The following DST variants were observed in gnomAD, a reference collection of about 807,000 sequenced individuals.
The protein encoded by DST is dystonin.
In DST, 253 loss-of-function variants were observed where a neutral mutation model predicts 875.2. The ratio of observed to expected loss-of-function variants is 0.29; its 90% CI spans 0.26 to 0.32. The LOEUF is 0.32. Among genes scored for constraint, DST ranks in the 10% least tolerant of loss-of-function variants. The probability of loss-of-function intolerance (pLI) is 1.00; values close to 1 mark genes in which losing one functional copy is unlikely to be tolerated. For missense variants in DST, 8,287 were observed against 9,111.6 expected (o/e 0.91, Z 3.68); for synonymous variants, 3,124 against 3,197.1 (o/e 0.98, Z 0.77).
intron 72 of DST, among the ~76,000 whole-genome samples, chr6:56,512,873 A>T (rs952725191): frequency 6.6e-6 from 1 of 152,234 alleles, no homozygotes; most frequent in South Asian, 2.1e-4. Flanking sequence ...CATGCTGCAC[A>T]TAAGAATGTG....
rs776817710 is a variant in DST, at chr6:56,605,370, C to T, written c.9258G>A (p.Lys3086=). 6.2e-7 allele frequency: 1 copy of T among 1,612,136 alleles called. No individual in the cohort carries two copies. The highest frequency in any genetic ancestry group is 2.2e-5 in the East Asian group (1 of 44,780). The part of the protein sequence containing the change: ...LPGKNTRDSF[K]LINSQFPFPQ... ...GAAATGGAAACTGACTATTAATTAA[C>T]TTGAAACTATCCCTTGTATTTTTAC... Residue 3086 remains lysine (K), a synonymous_variant, in exon 40 of 104, where the codon AAG becomes AAA. Transcript: ENST00000680361.
At chr6:56,786,266 G>A (rs1200981002) in intron 4 of DST, among the ~76,000 whole-genome samples, 1 of 152,172 alleles carries the variant, frequency 6.6e-6, no homozygotes, top group East Asian at 1.9e-4. Flanking sequence ...ATTGCTTTCA[G>A]GTTCACCCAT....
chr6:56,482,678 T>C lies in DST; in HGVS notation c.21402+5A>G, dbSNP rs1195333097. The C allele has an allele frequency of 6.2e-7, 1 of 1,611,342 alleles. No homozygotes were observed. The highest frequency in any genetic ancestry group is 1.1e-5 in the South Asian group (1 of 90,652). On this transcript the variant is annotated splice_donor_5th_base_variant and intron_variant, in intron 89 of 103. Coordinates refer to ENST00000680361, the MANE Select transcript of DST (RefSeq NM_001374736.1). ...ACACCCAGCTCTCATTTACATGGTTTTTACCTGACGCAGGGCTGCTTCTAA... is the reference window on the plus strand; with the variant it reads ...ACACCCAGCTCTCATTTACATGGTTCTTACCTGACGCAGGGCTGCTTCTAA...
chr6:56,737,584 T>C (rs573761076), intron 4 of DST, among the ~76,000 whole-genome samples: 2 of 152,312 alleles, frequency 1.3e-5, no homozygotes, highest in South Asian at 2.1e-4. Flanking sequence ...AAATAGAACA[T>C]TCTAATCATC....
chr6:56,623,455 C>CCTT (rs145782444), intron 36 of DST, among the ~76,000 whole-genome samples: 3,343 of 152,188 alleles, frequency 0.022, 100 homozygotes, highest in African/African-American at 0.076. Context: ...TCCTGGTTCT[C>CCTT]CTAAGCACAA....
At chr6:56,716,672 A>C (rs2099395687) in intron 5 of DST, among the ~76,000 whole-genome samples, 1 of 152,192 alleles carries the variant, frequency 6.6e-6, no homozygotes, top group African/African-American at 2.4e-5. Context: ...GATCAGATCT[A>C]ACCAACCCCA....
intron 82 of DST, among the ~76,000 whole-genome samples, chr6:56,496,243 A>G (rs1251587335): frequency 6.6e-6 from 1 of 152,150 alleles, no homozygotes; most frequent in African/African-American, 2.4e-5. Context: ...AGTAGCCTAA[A>G]TTTAATTTCA....
intron 3 of DST, among the ~76,000 whole-genome samples, chr6:56,879,516 G>C (rs1781087173): frequency 6.6e-6 from 1 of 151,966 alleles, no homozygotes; most frequent in South Asian, 2.1e-4. Context: ...ATAGTGGTAT[G>C]TCTAGGTTTA....
chr6:56,476,055 C>G lies in DST; in HGVS notation c.21864+94G>C, dbSNP rs906332140. On this transcript the variant is annotated intron_variant, in intron 92 of 103. Coordinates refer to ENST00000680361, the MANE Select transcript of DST (RefSeq NM_001374736.1). ...GAGGAGTCTGAAGAAGTGAAAATAACGAGAACAAAGCAATGTTTTGAGAAG... is the reference window on the plus strand; with the variant it reads ...GAGGAGTCTGAAGAAGTGAAAATAAGGAGAACAAAGCAATGTTTTGAGAAG... 1.7e-5 allele frequency: 19 copies of G among 1,140,948 alleles called. No individual in the cohort carries two copies. In the South Asian group the frequency reaches 2.9e-4, roughly 17 times the overall value. The allele number at this position is 1,140,948 out of a possible 1,614,324, so 70.7% of individuals were successfully genotyped here.
chr6:56,701,680 A>G (rs1385007453), intron 8 of DST, among the ~76,000 whole-genome samples: 1 of 152,204 alleles, frequency 6.6e-6, no homozygotes, highest in African/African-American at 2.4e-5. Context: ...GTAGTCACTT[A>G]TAATTCCTCT....
At chr6:56,573,495 C>T (rs953924768) in intron 51 of DST, among the ~76,000 whole-genome samples, 184 bp downstream of exon 51, 1 of 152,184 alleles carries the variant, frequency 6.6e-6, no homozygotes, top group African/African-American at 2.4e-5. Context: ...GTCCTTCCTA[C>T]ACTTCTTCAC....
intron 72 of DST, among the ~76,000 whole-genome samples, chr6:56,514,226 A>G (rs989358213): frequency 6.6e-6 from 1 of 152,224 alleles, no homozygotes; most frequent in Non-Finnish European, 1.5e-5. Flanking sequence ...AAATCCATGA[A>G]ACATTTTTCA....
At chr6:56,825,502 T>TG (rs1554181289) in intron 4 of DST, among the ~76,000 whole-genome samples, 7 of 109,348 alleles carry the variant, frequency 6.4e-5, no homozygotes, top group Admixed American at 9.9e-5. Context: ...CAATAAATAC[T>TG]AAAAAAAAAA....
intron 77 of DST, among the ~76,000 whole-genome samples, chr6:56,504,767 C>T (rs1480795802): frequency 6.6e-6 from 1 of 152,144 alleles, no homozygotes; most frequent in African/African-American, 2.4e-5. Flanking sequence ...AATCAAATAG[C>T]TCACTGTAAC....
chr6:56,909,921 A>C (rs1467582501), intron 2 of DST, among the ~76,000 whole-genome samples: 1 of 152,200 alleles, frequency 6.6e-6, no homozygotes, highest in East Asian at 1.9e-4. Context: ...TAATAACCCT[A>C]TATTAAAAGA....
At chr6:56,946,061 C>G (rs1819325032) in intron 2 of DST, among the ~76,000 whole-genome samples, 2 of 152,084 alleles carry the variant, frequency 1.3e-5, no homozygotes, top group Non-Finnish European at 2.9e-5. Context: ...TAAATTATAT[C>G]TCAATAAAGC....
chr6:56,910,017 C>CT (rs1798180502), intron 2 of DST, among the ~76,000 whole-genome samples: 1 of 152,156 alleles, frequency 6.6e-6, no homozygotes, highest in Non-Finnish European at 1.5e-5. Context: ...AATGTATTCC[C>CT]TGGCAAGTAA....
chr6:56,566,054 C>T (rs1328295419), intron 55 of DST, among the ~76,000 whole-genome samples: 2 of 152,318 alleles, frequency 1.3e-5, no homozygotes, highest in East Asian at 1.9e-4. Context: ...CCTCACCAAG[C>T]TCAAGCATCC....
intron 4 of DST, among the ~76,000 whole-genome samples, chr6:56,738,523 T>C (rs2099534809): frequency 2.0e-5 from 3 of 152,114 alleles, no homozygotes; most frequent in Admixed American, 2.0e-4. Context: ...GGTTTCACCG[T>C]GTTAGCCAGG....
Sources: gnomAD v4.1 joint callset for allele counts (sites outside exome capture counted in the v4.1 genomes callset) on GRCh38, gnomAD v4.1.1 for gene constraint, MANE v1.5 for transcripts, NCBI Gene and HGNC (gene_info 2026-07-23, HGNC 2026-07-21) for gene names.